The following TMEM101 variants were observed in gnomAD, a reference collection of about 807,000 sequenced individuals.
TMEM101 encodes the protein transmembrane protein 101.
Under a neutral mutation model 26.0 loss-of-function variants are expected in TMEM101, and 14 were observed. That is an observed-to-expected ratio of 0.54 (90% confidence interval 0.36 to 0.84). The LOEUF (loss-of-function observed/expected upper bound fraction) is 0.84, where lower values mean the gene tolerates loss of function less well. Ranked by LOEUF, TMEM101 falls within the 40% of genes least tolerant of loss-of-function variation. The pLI is 0.01. For synonymous variants in TMEM101, 152 were observed against 145.1 expected, an observed-to-expected ratio of 1.05 and a Z score of -0.34; for missense variants, 292 against 345.1, an observed-to-expected ratio of 0.85 and a Z score of 1.22.
chr17:44,020,339 T>C (rs1443155399), intron 2 of TMEM101, among the ~76,000 whole-genome samples: 1 of 152,196 alleles, frequency 6.6e-6, no homozygotes, highest in Non-Finnish European at 1.5e-5. Context: ...CGCTGTAATG[T>C]GTAATTGAAG....
intron 1 of TMEM101, chr17:44,022,989 T>C (rs891910993): frequency 9.2e-6 from 2 of 216,520 alleles, no homozygotes. Flanking sequence ...AATAAGCAAA[T>C]TGCAATAGGA....
At chr17:44,015,380 TTTTTC>T (rs937669632), upstream of TMEM101, among the ~76,000 whole-genome samples, 6 of 69,056 alleles carry the variant, frequency 8.7e-5, no homozygotes, top group Non-Finnish European at 1.7e-4. Flanking sequence ...GTGAACTTTT[TTTTTC>T]TTTTTTTTTT....
In TMEM101 at chr17:44,014,480, G is replaced by A. The variant is rs774233159; in HGVS notation, c.195C>T (p.Cys65=). Residue 65 remains cysteine, a synonymous_variant, in exon 2 of 4, where the codon TGC becomes TGT. Transcript: ENST00000206380. The part of the protein sequence containing the change: ...LYFDMGAAVL[C]ASFMSFGVKR... ...TCACGCCAAAGGACATGAAACTAGC[G>A]CACAGCACGGCTGCCCCCATGTCGA... is the stretch of plus-strand genomic sequence containing the variant. 4 of 1,565,482 alleles carry A rather than the reference G, an allele frequency of 2.6e-6. No homozygotes were observed. In the South Asian group the frequency reaches 4.7e-5, roughly 18 times the overall value.
upstream of TMEM101, among the ~76,000 whole-genome samples, chr17:44,017,425 T>A (rs1263405467): frequency 1.3e-5 from 1 of 77,796 alleles, no homozygotes; most frequent in Non-Finnish European, 2.9e-5. Flanking sequence ...ACCCCGTCTC[T>A]ACTAAAAATA....
chr17:44,017,570 G>A (rs2049245818), upstream of TMEM101, among the ~76,000 whole-genome samples: 1 of 149,864 alleles, frequency 6.7e-6, no homozygotes, highest in Non-Finnish European at 1.5e-5. Context: ...CTCCAGCCTG[G>A]GTGACAAGGT....
chr17:44,019,908 G>C (rs987732384), upstream of TMEM101, among the ~76,000 whole-genome samples: 1 of 152,214 alleles, frequency 6.6e-6, no homozygotes, highest in African/African-American at 2.4e-5. Flanking sequence ...TCAGGATGCA[G>C]TAAGGGGCAA....
intron 2 of TMEM101, chr17:44,021,187 G>A (rs764315064): frequency 2.6e-5 from 4 of 152,126 alleles, no homozygotes; most frequent in Admixed American, 6.5e-5. Flanking sequence ...AAATTTCCTC[G>A]GGGGTTGTTG....
At chr17:44,016,659 C>T (rs1461487159), upstream of TMEM101, among the ~76,000 whole-genome samples, 4 of 152,216 alleles carry the variant, frequency 2.6e-5, no homozygotes, top group Admixed American at 2.6e-4. Flanking sequence ...TGACTGGAAG[C>T]TGTGGCTTGC....
chr17:44,012,868 C>A (rs886664010), intron 3 of TMEM101, 141 bp downstream of exon 3: 8 of 963,394 alleles, frequency 8.3e-6, no homozygotes, highest in African/African-American at 1.7e-5. Flanking sequence ...AGAAGCTGGC[C>A]AGGGCAATTC....
chr17:44,012,780 T>G (rs2049177525), intron 3 of TMEM101: 1 of 436,570 alleles, frequency 2.3e-6, no homozygotes, highest in South Asian at 8.0e-5. Context: ...GGGTTGAAAT[T>G]TAATGGCCAG....
chr17:44,015,062 ACGGTGTCATTCTCTAGTTCCG>A, upstream of TMEM101: 1 of 1,439,304 alleles, frequency 6.9e-7, no homozygotes. Flanking sequence ...CCCGGAAACA[ACGGTGTCATTCTCTAGTTCCG>A]GATCTAAGGT....
At chr17:44,012,928 T>C (rs750689478) in intron 3 of TMEM101, 81 bp downstream of exon 3, 65 of 1,419,014 alleles carry the variant, frequency 4.6e-5, no homozygotes, top group Non-Finnish European at 1.1e-5. Context: ...GTTCTGTGTC[T>C]ACCTTCCTGG....
upstream of TMEM101, chr17:44,019,230 A>G: frequency 3.0e-6 from 1 of 327,926 alleles, no homozygotes; most frequent in Non-Finnish European, 5.9e-6. Flanking sequence ...ATATGTATTT[A>G]TACTCACCAG....
chr17:44,020,168 G>A (rs2049273020), intron 2 of TMEM101, among the ~76,000 whole-genome samples: 1 of 152,136 alleles, frequency 6.6e-6, no homozygotes, highest in Admixed American at 6.5e-5. Context: ...ATGTTTGTAA[G>A]CATCTAGATT....
chr17:44,012,893 C>T, intron 3 of TMEM101, 116 bp downstream of exon 3: 3 of 1,182,324 alleles, frequency 2.5e-6, no homozygotes, highest in Non-Finnish European at 3.4e-6. Flanking sequence ...GGAACTGGGC[C>T]ATCAGGAACT....
upstream of TMEM101, among the ~76,000 whole-genome samples, chr17:44,016,175 CTTTT>C (rs911558922): frequency 2.7e-5 from 4 of 150,940 alleles, no homozygotes; most frequent in African/African-American, 7.3e-5. Context: ...CATATATATG[CTTTT>C]TTTTTATTTT....
intron 3 of TMEM101, 139 bp downstream of exon 3, chr17:44,012,870 G>C: frequency 1.0e-6 from 1 of 983,908 alleles, no homozygotes. Context: ...AAGCTGGCCA[G>C]GGCAATTCCC....
rs191670449 is a variant in TMEM101 at position 44,020,138 on chromosome 17, C to T, written c.-210+1184G>A. 7.1e-3 allele frequency among the ~76,000 whole-genome samples: 1,082 copies of T among 152,220 alleles called. 47 individuals carry two copies. Among genetic ancestry groups the T allele is most frequent in the Admixed American group, 0.067 (1,018 of 15,290 alleles). On this transcript the variant is annotated intron_variant, in intron 2 of 4. Coordinates refer to the TMEM101 transcript ENST00000585950. ...GATAGGGTACCGTCACCAGGGAGTC[C>T]GGCGCATTCATAACCAGCAATGTTT...
At chr17:44,015,533 A>G (rs760962433), upstream of TMEM101, among the ~76,000 whole-genome samples, 2 of 152,236 alleles carry the variant, frequency 1.3e-5, no homozygotes, top group Non-Finnish European at 2.9e-5. Context: ...AGCTGAGACT[A>G]CAGGCTCTCG....
Sources: gnomAD v4.1 joint callset for allele counts (sites outside exome capture counted in the v4.1 genomes callset) on GRCh38, gnomAD v4.1.1 for gene constraint, MANE v1.5 for transcripts, NCBI Gene and HGNC (gene_info 2026-07-23, HGNC 2026-07-21) for gene names.